KIAA1549: variants seen among roughly 807,000 people sequenced by gnomAD.
The protein encoded by KIAA1549 is UPF0606 protein KIAA1549.
A neutral mutation model predicts 156.4 loss-of-function variants in KIAA1549; 70 were observed. The ratio of observed to expected loss-of-function variants is 0.45; its 90% confidence interval spans 0.37 to 0.55. The LOEUF (loss-of-function observed/expected upper bound fraction) is 0.55, where lower values mean the gene tolerates loss of function less well. Ranked by LOEUF, KIAA1549 falls within the 20% of genes least tolerant of loss-of-function variation. The probability of loss-of-function intolerance (pLI) is 0.00; values close to 1 mark genes in which losing one functional copy is unlikely to be tolerated. For synonymous variants in KIAA1549, 1,103 were observed against 1,066.4 expected (o/e 1.03, Z -0.67); for missense variants, 2,428 against 2,540.9 (o/e 0.96, Z 0.96).
At chr7:138,869,216 G>C (rs373594012) in intron 14 of KIAA1549, among the ~76,000 whole-genome samples, 1 of 152,204 alleles carries the variant, frequency 6.6e-6, no homozygotes, top group Admixed American at 6.5e-5. Context: ...GAAAGGGTGA[G>C]TGCAGTTTTA....
At chr7:138,929,744 C>CA (rs1812819818) in intron 1 of KIAA1549, among the ~76,000 whole-genome samples, 2 of 152,258 alleles carry the variant, frequency 1.3e-5, no homozygotes, top group Admixed American at 6.5e-5. Flanking sequence ...AGCTGGAATA[C>CA]AATGGTACAA....
At chr7:138,882,628 A>ATAG (rs2130409534) in intron 10 of KIAA1549, among the ~76,000 whole-genome samples, 1 of 152,320 alleles carries the variant, frequency 6.6e-6, no homozygotes, top group East Asian at 1.9e-4. Context: ...AGAACATCTA[A>ATAG]TAGTTTGGGG....
chr7:138,971,675 AC>A (rs1814225451), intron 1 of KIAA1549, among the ~76,000 whole-genome samples: 1 of 152,070 alleles, frequency 6.6e-6, no homozygotes, highest in South Asian at 2.1e-4. Flanking sequence ...GGGTTGAGAA[AC>A]CGTCTTACAG....
At chr7:138,861,709 A>G (rs1401094925) in intron 15 of KIAA1549, among the ~76,000 whole-genome samples, 1 of 151,630 alleles carries the variant, frequency 6.6e-6, no homozygotes, top group African/African-American at 2.4e-5. Context: ...AAAAAAAGAA[A>G]AAAAAAAAGA....
intron 2 of KIAA1549, among the ~76,000 whole-genome samples, chr7:138,912,780 C>T (rs960554211): frequency 2.6e-5 from 4 of 152,148 alleles, no homozygotes; most frequent in Non-Finnish European, 2.9e-5. Flanking sequence ...GGACAAGGAG[C>T]TTCCAGTTCT....
chr7:138,912,361 C>T lies in KIAA1549; in HGVS notation c.2967+11G>A, dbSNP rs1812194437. On this transcript the variant is annotated intron_variant, in intron 3 of 19. Transcript: ENST00000422774. ...CACCAGACATCACACTCCTGAGCCACCAGGACTCACCTTCAGTTCCACTGC... is the reference window on the plus strand; with the variant it reads ...CACCAGACATCACACTCCTGAGCCATCAGGACTCACCTTCAGTTCCACTGC... 6.2e-7 allele frequency: 1 copy of T among 1,608,622 alleles called. No individual in the cohort carries two copies. Among genetic ancestry groups the T allele is most frequent in the African/African-American group, 1.3e-5 (1 of 74,820 alleles).
chr7:138,967,084 A>G (rs775424090), intron 1 of KIAA1549, among the ~76,000 whole-genome samples: 1 of 152,162 alleles, frequency 6.6e-6, no homozygotes, highest in Non-Finnish European at 1.5e-5. Flanking sequence ...GGAGTAACAC[A>G]TGATATCATT....
At chr7:138,940,919 T>C (rs1397349194) in intron 1 of KIAA1549, among the ~76,000 whole-genome samples, 1 of 152,178 alleles carries the variant, frequency 6.6e-6, no homozygotes, top group Non-Finnish European at 1.5e-5. Context: ...ATATTAGCCC[T>C]TTGTCAGATG....
At position 138,981,302 on chromosome 7, in the gene KIAA1549, T is replaced by C. The variant is rs2130588085; in HGVS notation, c.-33A>G. ...CGGCGCCCCGGCCCGGCCTCGCGGC[T>C]CAGCGGCTCTCGGGTCCGGGAGGGG... On this transcript the variant is annotated 5_prime_UTR_variant, in exon 1 of 20. Transcript: ENST00000422774. The surrounding 1 kb of genome is among the most constrained non-coding windows in gnomAD (Gnocchi z 4.5). 1 of 921,074 alleles carries C rather than the reference T, an allele frequency of 1.1e-6. No homozygotes were observed. The highest frequency in any genetic ancestry group is 6.4e-5 in the Admixed American group (1 of 15,612). The allele number at this position is 921,074 out of a possible 1,614,324, so 57.1% of individuals were successfully genotyped here.
intron 10 of KIAA1549, among the ~76,000 whole-genome samples, chr7:138,891,020 C>A (rs925173928): frequency 6.6e-6 from 1 of 152,208 alleles, no homozygotes; most frequent in Non-Finnish European, 1.5e-5. Context: ...CCTGGTGTCA[C>A]CTCCTTGAAG....
At chr7:138,872,026 TCG>T (rs1202662612) in intron 12 of KIAA1549, among the ~76,000 whole-genome samples, 2 of 152,236 alleles carry the variant, frequency 1.3e-5, no homozygotes, top group Admixed American at 6.5e-5. Flanking sequence ...TCTCACTCTC[TCG>T]CCTAGGCTGG....
chr7:138,870,562 C>G (rs922446324), intron 13 of KIAA1549, among the ~76,000 whole-genome samples: 1 of 152,196 alleles, frequency 6.6e-6, no homozygotes. Flanking sequence ...GAAACCTGAA[C>G]TGCGTTGAAG....
At chr7:138,891,447 A>T (rs543478640) in intron 10 of KIAA1549, among the ~76,000 whole-genome samples, 1 of 152,390 alleles carries the variant, frequency 6.6e-6, no homozygotes, top group African/African-American at 2.4e-5. Context: ...GGCAACAGTA[A>T]CAAATGATGA....
At chr7:138,885,284 T>C (rs1350394080) in intron 10 of KIAA1549, among the ~76,000 whole-genome samples, 1 of 152,100 alleles carries the variant, frequency 6.6e-6, no homozygotes, top group Admixed American at 6.5e-5. Context: ...TAAGTAACAA[T>C]GCGGAAGGGG....
intron 4 of KIAA1549, 72 bp from the exon 5 acceptor site, chr7:138,909,193 G>A: frequency 6.8e-7 from 1 of 1,468,596 alleles, no homozygotes; most frequent in Non-Finnish European, 9.3e-7. Context: ...AATCAAGAGA[G>A]AGAAACATCG....
chr7:138,970,027 T>C (rs904835780), intron 1 of KIAA1549, among the ~76,000 whole-genome samples: 2 of 152,258 alleles, frequency 1.3e-5, no homozygotes, highest in African/African-American at 4.8e-5. Context: ...TTTTTGACTA[T>C]AGTCACCCTG....
rs1288732269 is a variant in KIAA1549, at chr7:138,899,897, C to A, written c.3670-765G>T. 2.6e-5 allele frequency among the ~76,000 whole-genome samples: 4 copies of A among 152,306 alleles called. No individual in the cohort carries two copies. The East Asian group carries it at 7.7e-4, about 29-fold the overall frequency. ...GTTTTTTATGCCCTTATTTCAAAATCTAGCACACTTGACATATCGTACCTT... is the reference window on the plus strand; with the variant it reads ...GTTTTTTATGCCCTTATTTCAAAATATAGCACACTTGACATATCGTACCTT... On this transcript the variant is annotated intron_variant, in intron 8 of 19. Coordinates refer to ENST00000422774, the MANE Select transcript of KIAA1549 (RefSeq NM_001164665.2).
rs535943388 is a variant in KIAA1549, at chr7:138,919,459, G to C, written c.188-21C>G. ...CTCATCTATCAAGAAAATCAGAGCT[G>C]GGTTAGTGCAATGCATTGGAAGTCA... On this transcript the variant is annotated intron_variant, in intron 1 of 19. Coordinates refer to ENST00000422774, the MANE Select transcript of KIAA1549 (RefSeq NM_001164665.2). The C allele has an allele frequency of 3.3e-4, 535 of 1,603,064 alleles. 8 individuals are homozygous for C. The South Asian group carries it at 5.4e-3, about 16-fold the overall frequency.
At chr7:138,898,019 G>A (rs1811734816) in intron 9 of KIAA1549, among the ~76,000 whole-genome samples, 1 of 151,450 alleles carries the variant, frequency 6.6e-6, no homozygotes, top group Non-Finnish European at 1.5e-5. Flanking sequence ...AAATCTGTGA[G>A]GTGGGGCCGG....
Sources: gnomAD v4.1 joint callset for allele counts (sites outside exome capture counted in the v4.1 genomes callset) on GRCh38, gnomAD v4.1.1 for gene constraint, Gnocchi (gnomAD v3.1) non-coding constraint, MANE v1.5 for transcripts, NCBI Gene and HGNC (gene_info 2026-07-23, HGNC 2026-07-21) for gene names.